CDH18: variants seen among roughly 807,000 people sequenced by gnomAD.
CDH18 encodes cadherin-18.
CDH18 carries 31 observed loss-of-function variants against 67.9 expected under a neutral mutation model. That is an observed-to-expected ratio of 0.46 (90% CI 0.34 to 0.62). The LOEUF is 0.62. Ranked by LOEUF, CDH18 falls within the 20% of genes least tolerant of loss-of-function variation. The probability of loss-of-function intolerance (pLI) is 0.01; values close to 1 mark genes in which losing one functional copy is unlikely to be tolerated. For missense variants in CDH18, 890 were observed against 975.5 expected (o/e 0.91, Z 1.17); for synonymous variants, 362 against 347.2 (o/e 1.04, Z -0.48).
At chr5:20,152,445 G>A (rs1342455573) in intron 2 of CDH18, among the ~76,000 whole-genome samples, 2 of 151,420 alleles carry the variant, frequency 1.3e-5, no homozygotes, top group African/African-American at 4.8e-5. Flanking sequence ...CTGGAGTTTT[G>A]AAATACTTTC....
chr5:20,523,208 C>T (rs1755849788), intron 1 of CDH18, among the ~76,000 whole-genome samples: 2 of 152,110 alleles, frequency 1.3e-5, no homozygotes, highest in Admixed American at 6.6e-5. Flanking sequence ...GCTAGGAAAA[C>T]GTTTTCTGAA....
Position 19,875,438 on chromosome 5 carries a change from AGATC to A in CDH18, c.-256-36200_-256-36197del, listed in dbSNP as rs1554055347. Among the ~76,000 whole-genome samples the A allele has an allele frequency of 3.1e-3, 368 of 116,948 alleles. 1 individual carries two copies. The highest frequency in any genetic ancestry group is 0.01 in the African/African-American group (294 of 28,738). 76.7% of individuals were successfully genotyped at this position (116,948 alleles called of 152,430 possible). ...TAGATAGATAGATAGATAGATAGATAGATCGATCGATCTATAGATAGATAGATGG... is the reference window on the plus strand; with the variant it reads ...TAGATAGATAGATAGATAGATAGATAGATCGATCTATAGATAGATAGATGG... On this transcript the variant is annotated intron_variant, in intron 2 of 12. Transcript: ENST00000382275.
intron 1 of CDH18, among the ~76,000 whole-genome samples, chr5:20,424,591 A>G (rs2150164597): frequency 6.7e-6 from 1 of 149,976 alleles, no homozygotes; most frequent in East Asian, 2.0e-4. Flanking sequence ...TCTCTACTAA[A>G]TACAAAAATT....
chr5:19,876,044 C>T (rs1786957207), intron 2 of CDH18, among the ~76,000 whole-genome samples: 1 of 152,134 alleles, frequency 6.6e-6, no homozygotes, highest in South Asian at 2.1e-4. Flanking sequence ...CCTGGCCATC[C>T]AGGTTTGGCT....
chr5:20,365,486 ACT>A (rs1304818774), intron 1 of CDH18, among the ~76,000 whole-genome samples: 1 of 152,124 alleles, frequency 6.6e-6, no homozygotes, highest in East Asian at 1.9e-4. Context: ...ATTTAGACAC[ACT>A]GTTTTCTTCC....
chr5:19,647,527 CAAAAAAAAA>C (rs3062888), intron 5 of CDH18, among the ~76,000 whole-genome samples: 4,043 of 28,330 alleles, frequency 0.14, 47 homozygotes, highest in Non-Finnish European at 0.17. Flanking sequence ...GAGACTCCAT[CAAAAAAAAA>C]AAAAAAAAAA....
chr5:20,397,561 A>G (rs767820006), intron 1 of CDH18, among the ~76,000 whole-genome samples: 1 of 152,186 alleles, frequency 6.6e-6, no homozygotes, highest in Non-Finnish European at 1.5e-5. Flanking sequence ...AAATGAAGCA[A>G]CTTAGGAGAC....
chr5:20,559,269 C>G (rs1195867685), intron 1 of CDH18, among the ~76,000 whole-genome samples: 1 of 152,038 alleles, frequency 6.6e-6, no homozygotes, highest in Non-Finnish European at 1.5e-5. Flanking sequence ...CAGTTCATCT[C>G]CTATCTAATA....
At chr5:20,302,535 G>A (rs1243712643) in intron 1 of CDH18, among the ~76,000 whole-genome samples, 2 of 152,072 alleles carry the variant, frequency 1.3e-5, no homozygotes, top group African/African-American at 4.8e-5. Flanking sequence ...TCTCCCAGTG[G>A]AATCAAAACA....
intron 6 of CDH18, among the ~76,000 whole-genome samples, chr5:19,610,306 T>G (rs1200423887): frequency 6.6e-6 from 1 of 152,112 alleles, no homozygotes; most frequent in East Asian, 1.9e-4. Context: ...CACTGTACAC[T>G]GATGCTTCAA....
At chr5:20,420,702 A>G (rs1747794338) in intron 1 of CDH18, among the ~76,000 whole-genome samples, 1 of 151,408 alleles carries the variant, frequency 6.6e-6, no homozygotes, top group South Asian at 2.1e-4. Context: ...CTCTTTGTAT[A>G]TGTCATTTAA....
intron 2 of CDH18, among the ~76,000 whole-genome samples, chr5:19,850,804 A>G (rs970290305): frequency 2.6e-5 from 4 of 151,918 alleles, no homozygotes; most frequent in African/African-American, 9.7e-5. Flanking sequence ...GGTGGCTTAG[A>G]AAAGTAACAG....
chr5:19,597,365 T>C (rs1746342364), intron 6 of CDH18, among the ~76,000 whole-genome samples: 1 of 152,236 alleles, frequency 6.6e-6, no homozygotes, highest in Non-Finnish European at 1.5e-5. Context: ...TGTTTTAATA[T>C]GCCAATTGGA....
At chr5:19,988,466 T>C (rs1200150977), upstream of CDH18, among the ~76,000 whole-genome samples, 2 of 151,852 alleles carry the variant, frequency 1.3e-5, no homozygotes, top group African/African-American at 4.8e-5. Context: ...AGCAAGGTCA[T>C]GTAGAAAACA....
intron 2 of CDH18, among the ~76,000 whole-genome samples, chr5:19,887,572 CT>C (rs560478741): frequency 3.3e-5 from 5 of 150,438 alleles, no homozygotes; most frequent in South Asian, 2.1e-4. Context: ...CTGGGACTTG[CT>C]TTTTTTTTCC....
chr5:19,559,954 CAAG>C (rs1184351036), intron 8 of CDH18, among the ~76,000 whole-genome samples: 73 of 147,650 alleles, frequency 4.9e-4, no homozygotes, highest in Non-Finnish European at 9.8e-4. Flanking sequence ...TATATTTAAC[CAAG>C]AAGAAGAAAA....
intron 1 of CDH18, among the ~76,000 whole-genome samples, chr5:20,298,893 C>T (rs779280702): frequency 6.6e-6 from 1 of 152,036 alleles, no homozygotes; most frequent in African/African-American, 2.4e-5. Context: ...AAGAAGAAAG[C>T]ATTTTTAGAA....
intron 6 of CDH18, among the ~76,000 whole-genome samples, chr5:19,601,616 T>C (rs892607251): frequency 1.6e-5 from 2 of 122,020 alleles, no homozygotes; most frequent in East Asian, 6.1e-4. Flanking sequence ...ACCAGCATTC[T>C]CCTGAAACCA....
intron 5 of CDH18, among the ~76,000 whole-genome samples, chr5:19,671,960 G>T (rs1024530777): frequency 3.3e-5 from 5 of 152,056 alleles, no homozygotes; most frequent in African/African-American, 1.2e-4. Context: ...CAATTCCTAG[G>T]TATTCACAGT....
Sources: gnomAD v4.1 joint callset for allele counts (sites outside exome capture counted in the v4.1 genomes callset) on GRCh38, gnomAD v4.1.1 for gene constraint, MANE v1.5 for transcripts, NCBI Gene and HGNC (gene_info 2026-07-23, HGNC 2026-07-21) for gene names.